SPOCK3: variants seen among roughly 807,000 people sequenced by gnomAD.
SPOCK3 encodes SPARC (osteonectin), cwcv and kazal like domains proteoglycan 3, also known as testican-3.
A neutral mutation model predicts 56.6 loss-of-function variants in SPOCK3; 30 were observed. That is an observed-to-expected ratio of 0.53 (90% confidence interval 0.40 to 0.72). The LOEUF is 0.72. Among genes scored for constraint, SPOCK3 ranks in the 30% least tolerant of loss-of-function variants. The pLI is 0.00. For synonymous variants in SPOCK3, 196 were observed against 183.3 expected (o/e 1.07, Z -0.56); for missense variants, 527 against 530.0 (o/e 0.99, Z 0.06).
intron 7 of SPOCK3, among the ~76,000 whole-genome samples, chr4:166,769,763 T>C (rs1419236865): frequency 2.0e-5 from 3 of 152,176 alleles, no homozygotes; most frequent in African/African-American, 4.8e-5. Context: ...TGCCTTTTGT[T>C]CAGCTATGCC....
At chr4:166,822,020 A>C (rs1304486171) in intron 6 of SPOCK3, among the ~76,000 whole-genome samples, 1 of 152,064 alleles carries the variant, frequency 6.6e-6, no homozygotes, top group Non-Finnish European at 1.5e-5. Flanking sequence ...AGCATTTTTA[A>C]AATGCTTTCT....
chr4:166,949,738 C>T (rs1213407593), intron 4 of SPOCK3, among the ~76,000 whole-genome samples: 2 of 152,104 alleles, frequency 1.3e-5, no homozygotes, highest in African/African-American at 4.8e-5. Context: ...TGTGAAGTGT[C>T]AGTCTGCCCA....
intron 6 of SPOCK3, among the ~76,000 whole-genome samples, chr4:166,815,452 A>G (rs1744288284): frequency 6.6e-6 from 1 of 152,156 alleles, no homozygotes; most frequent in African/African-American, 2.4e-5. Context: ...AAACACCTAC[A>G]TACATTGAAT....
At chr4:167,194,102 G>A (rs1561309171) in intron 2 of SPOCK3, among the ~76,000 whole-genome samples, 2 of 147,714 alleles carry the variant, frequency 1.4e-5, no homozygotes, top group Non-Finnish European at 3.0e-5. Flanking sequence ...TTCATTTTCT[G>A]TTCAGTTGGT....
At chr4:167,055,080 A>G (rs10023710) in intron 3 of SPOCK3, among the ~76,000 whole-genome samples, 6,221 of 152,286 alleles carry the variant, frequency 0.041, 176 homozygotes, top group Middle Eastern at 0.068. Context: ...AGTTAAAACA[A>G]TATAAATATC....
At chr4:167,223,226 A>G (rs1736234131) in intron 2 of SPOCK3, among the ~76,000 whole-genome samples, 1 of 137,444 alleles carries the variant, frequency 7.3e-6, no homozygotes, top group East Asian at 2.1e-4. Context: ...AATATATAAT[A>G]TATAATATAT....
intron 3 of SPOCK3, among the ~76,000 whole-genome samples, chr4:167,008,807 A>G (rs1749719660): frequency 6.6e-6 from 1 of 152,102 alleles, no homozygotes; most frequent in African/African-American, 2.4e-5. Context: ...ATGGACCTAA[A>G]GATGGAAACA....
At chr4:166,976,227 G>A (rs1005863201) in intron 4 of SPOCK3, among the ~76,000 whole-genome samples, 1 of 151,984 alleles carries the variant, frequency 6.6e-6, no homozygotes, top group Non-Finnish European at 1.5e-5. Flanking sequence ...CAAACTTTTG[G>A]AGGCATCATT....
intron 2 of SPOCK3, among the ~76,000 whole-genome samples, chr4:167,128,193 C>T (rs997105379): frequency 1.3e-5 from 2 of 152,160 alleles, no homozygotes; most frequent in Admixed American, 6.5e-5. Flanking sequence ...TACTCAAGCA[C>T]ATTGAAAAAC....
intron 3 of SPOCK3, among the ~76,000 whole-genome samples, chr4:167,020,580 C>T (rs1199377480): frequency 5.9e-5 from 9 of 152,006 alleles, no homozygotes; most frequent in African/African-American, 1.7e-4. Context: ...TCATACGTCC[C>T]TTGTGTTCTT....
At chr4:167,059,353 A>T (rs1189188499) in intron 3 of SPOCK3, among the ~76,000 whole-genome samples, 1 of 152,232 alleles carries the variant, frequency 6.6e-6, no homozygotes, top group African/African-American at 2.4e-5. Flanking sequence ...ACATGAACAG[A>T]CACTTCTCAA....
intron 4 of SPOCK3, among the ~76,000 whole-genome samples, chr4:166,998,716 T>A (rs950451018): frequency 7.9e-5 from 12 of 152,122 alleles, no homozygotes; most frequent in Non-Finnish European, 5.9e-5. Context: ...TCAAAGCTGT[T>A]AAATGTCTGC....
intron 5 of SPOCK3, among the ~76,000 whole-genome samples, chr4:166,901,342 C>T (rs1441176405): frequency 1.3e-5 from 2 of 152,112 alleles, no homozygotes; most frequent in African/African-American, 4.8e-5. Flanking sequence ...ATATTTGATG[C>T]ACTGTCAGTC....
At chr4:167,217,939 CAA>C (rs1735529499) in intron 2 of SPOCK3, among the ~76,000 whole-genome samples, 1 of 151,502 alleles carries the variant, frequency 6.6e-6, no homozygotes, top group Non-Finnish European at 1.5e-5. Context: ...GTTAAACCCA[CAA>C]ACCAAAGGGT....
At chr4:166,777,347 G>A (rs1163141186) in intron 7 of SPOCK3, among the ~76,000 whole-genome samples, 2 of 152,108 alleles carry the variant, frequency 1.3e-5, no homozygotes, top group Non-Finnish European at 2.9e-5. Flanking sequence ...TTCTTTGTGC[G>A]AGCATGTAAT....
chr4:167,102,833 C>A (rs1049544161), intron 2 of SPOCK3, among the ~76,000 whole-genome samples: 1 of 147,744 alleles, frequency 6.8e-6, no homozygotes, highest in African/African-American at 2.5e-5. Flanking sequence ...AAGTCCTAGG[C>A]TCAGAGACAG....
At chr4:167,065,053 A>AAAAAAAAAAAAAAAAAAAAAAAAAAAAAC (rs1755988954) in intron 2 of SPOCK3, among the ~76,000 whole-genome samples, 1 of 150,140 alleles carries the variant, frequency 6.7e-6, no homozygotes, top group Non-Finnish European at 1.5e-5. Context: ...AAAAAAAAAA[A>AAAAAAAAAAAAAAAAAAAAAAAAAAAAAC]AAAAAAAGTC....
At chr4:167,126,962 C>G (rs531878513) in intron 2 of SPOCK3, among the ~76,000 whole-genome samples, 1 of 152,236 alleles carries the variant, frequency 6.6e-6, no homozygotes, top group African/African-American at 2.4e-5. Flanking sequence ...TTCCCCCTCT[C>G]TCTTCTTCTG....
intron 8 of SPOCK3, among the ~76,000 whole-genome samples, chr4:166,749,643 T>TG (rs1736113188): frequency 6.6e-6 from 1 of 151,068 alleles, no homozygotes; most frequent in African/African-American, 2.4e-5. Flanking sequence ...TGATAAAAAA[T>TG]AAAAAAAAAT....
Sources: allele counts gnomAD v4.1 joint callset (sites outside exome capture counted in the v4.1 genomes callset), GRCh38; gene constraint gnomAD v4.1.1; transcripts MANE v1.5; gene names NCBI Gene and HGNC (gene_info 2026-07-23, HGNC 2026-07-21).